PTPRT: variants seen among roughly 807,000 people sequenced by gnomAD.
PTPRT encodes receptor-type tyrosine-protein phosphatase T.
In PTPRT, 56 loss-of-function variants were observed where a neutral mutation model predicts 176.8. The observed-to-expected ratio is 0.32, with a 90% CI of 0.26 to 0.40. The LOEUF is 0.40. Among genes scored for constraint, PTPRT ranks in the 10% least tolerant of loss-of-function variants. The probability of loss-of-function intolerance (pLI) is 1.00; values close to 1 mark genes in which losing one functional copy is unlikely to be tolerated. For synonymous variants in PTPRT, 783 were observed against 739.0 expected (o/e 1.06, Z -0.96); for missense variants, 1,540 against 1,908.2 (o/e 0.81, Z 3.60).
intron 1 of PTPRT, among the ~76,000 whole-genome samples, chr20:43,044,181 G>T (rs963817017): frequency 1.3e-5 from 2 of 152,144 alleles, no homozygotes; most frequent in African/African-American, 4.8e-5. Context: ...CCTGGCAGGA[G>T]ACCAGAAAAC....
intron 9 of PTPRT, among the ~76,000 whole-genome samples, chr20:42,356,295 C>A (rs1028757853): frequency 1.3e-5 from 2 of 152,134 alleles, no homozygotes; most frequent in South Asian, 2.1e-4. Flanking sequence ...CAACCCTGGG[C>A]TCCTGGCATG....
intron 2 of PTPRT, among the ~76,000 whole-genome samples, chr20:42,813,835 T>C (rs1206873168): frequency 6.6e-6 from 1 of 152,170 alleles, no homozygotes; most frequent in Non-Finnish European, 1.5e-5. Context: ...TACATCTACT[T>C]GCAGGTATTT....
At chr20:42,769,095 G>C (rs374441787) in intron 5 of PTPRT, among the ~76,000 whole-genome samples, 1 of 152,170 alleles carries the variant, frequency 6.6e-6, no homozygotes, top group Admixed American at 6.5e-5. Flanking sequence ...TAACTCTACC[G>C]AATACTGAGG....
In PTPRT at chr20:42,464,290, T is replaced by G. The variant is rs62203556; in HGVS notation, c.1450+7976A>C. 8.1e-3 allele frequency among the ~76,000 whole-genome samples: 1,235 copies of G among 152,262 alleles called. 11 individuals are homozygous for G. The highest frequency in any genetic ancestry group is 0.014 in the Middle Eastern group (4 of 294). ...GAGCCCATACTATGGATTACCAGAG[T>G]GAACAACACAAAACAAAGTTTCTAT... On this transcript the variant is annotated intron_variant, in intron 8 of 30. Transcript: ENST00000373187.
intron 9 of PTPRT, 25 bp from the exon 10 acceptor site, chr20:42,352,310 C>A (rs781539906): frequency 6.2e-7 from 1 of 1,612,442 alleles, no homozygotes; most frequent in South Asian, 1.1e-5. Flanking sequence ...AGCAAACAAA[C>A]AAACAAATAA....
intron 7 of PTPRT, among the ~76,000 whole-genome samples, chr20:42,594,391 A>T (rs1431539420): frequency 6.6e-6 from 1 of 152,168 alleles, no homozygotes; most frequent in Non-Finnish European, 1.5e-5. Context: ...TTTATGAGTG[A>T]CAATTTAGGG....
intron 6 of PTPRT, among the ~76,000 whole-genome samples, chr20:42,728,136 T>G (rs2146255095): frequency 6.6e-6 from 1 of 152,264 alleles, no homozygotes; most frequent in Non-Finnish European, 1.5e-5. Flanking sequence ...GTAAATACCT[T>G]TACCATGCAT....
At chr20:42,217,099 C>T (rs948320837) in intron 15 of PTPRT, among the ~76,000 whole-genome samples, 16 of 152,110 alleles carry the variant, frequency 1.1e-4, no homozygotes, top group Admixed American at 5.9e-4. Flanking sequence ...CCAGGCCAGG[C>T]GCAGTGGCTC....
intron 16 of PTPRT, among the ~76,000 whole-genome samples, chr20:42,179,837 T>C (rs147873937): frequency 5.3e-5 from 8 of 152,056 alleles, no homozygotes; most frequent in African/African-American, 1.7e-4. Flanking sequence ...ACCATGATGA[T>C]AGTATGGGTG....
intron 1 of PTPRT, among the ~76,000 whole-genome samples, chr20:42,986,246 C>T (rs1362834970): frequency 2.0e-5 from 3 of 152,196 alleles, no homozygotes; most frequent in Non-Finnish European, 2.9e-5. Context: ...TTCTTCTGTA[C>T]CAGAATCATT....
chr20:42,111,874 G>A (rs1987017081), intron 22 of PTPRT, among the ~76,000 whole-genome samples: 1 of 152,150 alleles, frequency 6.6e-6, no homozygotes, highest in Admixed American at 6.5e-5. Context: ...GAAGAGGAAG[G>A]AATCCAAGGC....
chr20:42,351,229 C>G (rs796340194), intron 10 of PTPRT, among the ~76,000 whole-genome samples: 11 of 152,152 alleles, frequency 7.2e-5, no homozygotes, highest in African/African-American at 2.6e-4. Context: ...GCTATTAAAA[C>G]CCACATCCTT....
chr20:42,304,645 T>C (rs1446286515), intron 12 of PTPRT, among the ~76,000 whole-genome samples: 1 of 152,188 alleles, frequency 6.6e-6, no homozygotes, highest in Non-Finnish European at 1.5e-5. Flanking sequence ...GGAAATTCAC[T>C]AATCTTATTT....
intron 12 of PTPRT, among the ~76,000 whole-genome samples, chr20:42,289,014 T>A (rs1027670400): frequency 6.6e-6 from 1 of 151,294 alleles, no homozygotes; most frequent in Non-Finnish European, 1.5e-5. Context: ...ATGAAAAAAA[T>A]AAACAATGGA....
chr20:42,610,077 A>G (rs1256792171), intron 7 of PTPRT, among the ~76,000 whole-genome samples: 3 of 152,202 alleles, frequency 2.0e-5, no homozygotes, highest in Non-Finnish European at 4.4e-5. Context: ...AATGGGAAGA[A>G]CTTTCCTTCT....
intron 1 of PTPRT, among the ~76,000 whole-genome samples, chr20:43,019,867 C>T (rs1422788449): frequency 6.6e-6 from 1 of 151,856 alleles, no homozygotes. Context: ...GGTTCTCTAG[C>T]CTTTGGACTC....
At chr20:42,190,468 G>T (rs1039577313) in intron 16 of PTPRT, among the ~76,000 whole-genome samples, 2 of 152,156 alleles carry the variant, frequency 1.3e-5, no homozygotes, top group African/African-American at 4.8e-5. Flanking sequence ...AGGGAGGTGA[G>T]CTAGAGCCTT....
At chr20:42,771,366 CT>C in intron 5 of PTPRT, 68 bp downstream of exon 5, 1 of 1,379,728 alleles carries the variant, frequency 7.2e-7, no homozygotes, top group South Asian at 1.2e-5. Context: ...CATAGAGCTG[CT>C]TCCTTCCAGT....
chr20:42,650,376 T>A (rs753042493), intron 7 of PTPRT, among the ~76,000 whole-genome samples: 1 of 152,132 alleles, frequency 6.6e-6, no homozygotes, highest in African/African-American at 2.4e-5. Flanking sequence ...TCAAGCAATC[T>A]CACACACATA....
Sources: allele counts gnomAD v4.1 joint callset (sites outside exome capture counted in the v4.1 genomes callset), GRCh38; gene constraint gnomAD v4.1.1; transcripts MANE v1.5; gene names NCBI Gene and HGNC (gene_info 2026-07-23, HGNC 2026-07-21).